Variants in DSE observed in about 807,000 individuals in gnomAD.
The protein encoded by DSE is dermatan sulfate epimerase.
DSE carries 36 observed loss-of-function variants against 84.4 expected under a neutral mutation model. The observed-to-expected ratio is 0.43, with a 90% CI of 0.33 to 0.56. DSE has a LOEUF of 0.56. DSE is among the 20% of genes least tolerant of loss of function. The pLI is 0.06. For missense variants in DSE, 862 were observed against 1,169.6 expected, an observed-to-expected ratio of 0.74 and a Z score of 3.84; for synonymous variants, 410 against 430.1, an observed-to-expected ratio of 0.95 and a Z score of 0.58.
At chr6:116,342,703 G>A (rs1004087694) in intron 2 of DSE, among the ~76,000 whole-genome samples, 4 of 152,314 alleles carry the variant, frequency 2.6e-5, no homozygotes, top group African/African-American at 7.2e-5. Context: ...TTCCAAGATG[G>A]CCAAATAGGA....
intron 2 of DSE, among the ~76,000 whole-genome samples, chr6:116,299,769 G>GGGCA (rs1774926013): frequency 6.6e-6 from 1 of 151,694 alleles, no homozygotes. Flanking sequence ...TAACTTTTTA[G>GGGCA]GGCACATCTT....
At chr6:116,378,319 T>G (rs1780042990) in intron 1 of DSE, among the ~76,000 whole-genome samples, 1 of 152,210 alleles carries the variant, frequency 6.6e-6, no homozygotes, top group Non-Finnish European at 1.5e-5. Context: ...TAAATTTATC[T>G]TCTGGGGCTC....
intron 5 of DSE, 84 bp downstream of exon 5, chr6:116,433,634 A>C: frequency 1.4e-6 from 2 of 1,391,710 alleles, no homozygotes; most frequent in South Asian, 2.7e-5. Context: ...TGCATTTAAA[A>C]AGAAAAACTA....
Position 116,440,820 on chromosome 6 carries a change from A to G in DSE, c.*3475A>G, listed in dbSNP as rs1454968157. 6.6e-6 allele frequency: 1 copy of G among 152,104 alleles called. No homozygotes were observed. Among genetic ancestry groups the G allele is most frequent in the Non-Finnish European group, 1.5e-5 (1 of 68,018 alleles). 9.4% of individuals were successfully genotyped at this position (152,104 alleles called of 1,614,324 possible). ...AGGGAAGTCTGAAGGTCTAACTCAA[A>G]GTTTGATGCTTTTTAAGCAAGTTTA... On this transcript the variant is annotated 3_prime_UTR_variant, in exon 6 of 6. Coordinates refer to ENST00000644252, the MANE Select transcript of DSE (RefSeq NM_013352.4).
chr6:116,300,447 T>C (rs1774966706), intron 2 of DSE, among the ~76,000 whole-genome samples: 1 of 152,208 alleles, frequency 6.6e-6, no homozygotes, highest in African/African-American at 2.4e-5. Flanking sequence ...TTTATCCTGC[T>C]TGTTGATAAA....
At chr6:116,418,498 C>T (rs1300547478) in intron 2 of DSE, among the ~76,000 whole-genome samples, 1 of 152,042 alleles carries the variant, frequency 6.6e-6, no homozygotes, top group Non-Finnish European at 1.5e-5. Flanking sequence ...AGGAAATCTA[C>T]ATGATTGGTG....
At chr6:116,342,293 T>TC (rs1365663402) in intron 2 of DSE, among the ~76,000 whole-genome samples, 1 of 151,368 alleles carries the variant, frequency 6.6e-6, no homozygotes, top group African/African-American at 2.4e-5. Context: ...TTTTTTTTTT[T>TC]TTTCGAGATG....
At chr6:116,427,133 C>T (rs924614090) in intron 3 of DSE, among the ~76,000 whole-genome samples, 2 of 150,088 alleles carry the variant, frequency 1.3e-5, no homozygotes, top group Non-Finnish European at 3.0e-5. Context: ...ACAGTGAAGA[C>T]AGCCATCCTG....
At chr6:116,431,840 T>C (rs936147901) in intron 4 of DSE, among the ~76,000 whole-genome samples, 18 of 152,168 alleles carry the variant, frequency 1.2e-4, no homozygotes, top group African/African-American at 4.3e-4. Flanking sequence ...CTTTGTAACC[T>C]TTTTTTATTT....
chr6:116,283,666 C>CT (rs1773681237), intron 2 of DSE, among the ~76,000 whole-genome samples: 1 of 152,114 alleles, frequency 6.6e-6, no homozygotes, highest in Non-Finnish European at 1.5e-5. Flanking sequence ...GCCTCAGCCT[C>CT]CCGTGTAGCT....
intron 2 of DSE, chr6:116,401,090 G>A (rs775869056): frequency 1.3e-5 from 2 of 152,004 alleles, no homozygotes; most frequent in Non-Finnish European, 2.9e-5. Context: ...AGAAAGTAAT[G>A]GACTGTGAAA....
chr6:116,376,535 T>G (rs1474569134), intron 1 of DSE, among the ~76,000 whole-genome samples: 2 of 152,236 alleles, frequency 1.3e-5, no homozygotes, highest in Non-Finnish European at 2.9e-5. Context: ...AATGGAGTAG[T>G]TTGTTCAGTC....
chr6:116,266,163 A>T (rs1210351593), intron 2 of DSE, among the ~76,000 whole-genome samples: 1 of 152,140 alleles, frequency 6.6e-6, no homozygotes, highest in Non-Finnish European at 1.5e-5. Context: ...CTCTGAAATG[A>T]CTATCCATGA....
chr6:116,433,161 C>G, intron 4 of DSE, 182 bp from the exon 5 acceptor site: 3 of 633,370 alleles, frequency 4.7e-6, no homozygotes, highest in Non-Finnish European at 8.1e-6. Flanking sequence ...TGTGGAAGAC[C>G]TTTTGAGGGA....
chr6:116,340,840 A>T (rs1187914255), intron 2 of DSE, among the ~76,000 whole-genome samples: 1 of 152,166 alleles, frequency 6.6e-6, no homozygotes, highest in East Asian at 1.9e-4. Flanking sequence ...ATGGCTGCAT[A>T]GTATTCCGTG....
At chr6:116,373,881 C>T (rs1779762226) in intron 1 of DSE, among the ~76,000 whole-genome samples, 1 of 152,100 alleles carries the variant, frequency 6.6e-6, no homozygotes, top group Non-Finnish European at 1.5e-5. Context: ...TTGGATCACA[C>T]TGTGTTGCAT....
intron 2 of DSE, among the ~76,000 whole-genome samples, chr6:116,284,805 T>A (rs1773779578): frequency 6.6e-6 from 1 of 152,042 alleles, no homozygotes. Flanking sequence ...TTGCTCAGAA[T>A]GATGATTTCC....
In DSE at chr6:116,278,568, C is replaced by T. The variant is rs1488034157; in HGVS notation, c.-54+19601C>T. ...TGGGGATCTCTACAGGCTCCCTTAG[C>T]GGGCGACGTCGGGCTCTACGGACTC... On this transcript the variant is annotated intron_variant, in intron 2 of 3. Transcript: ENST00000430252. 5.0e-6 allele frequency: 8 copies of T among 1,614,164 alleles called. No individual in the cohort carries two copies. In the Admixed American group the frequency reaches 1.2e-4, roughly 24 times the overall value.
At position 116,306,161 on chromosome 6, in the gene DSE, T is replaced by C. The variant is rs192137254; in HGVS notation, c.-54+47194T>C. ...AATAAATATGGCAAGAGAGTAATGA[T>C]TGGTAAATCTGGATAAAAACTACAA... On this transcript the variant is annotated intron_variant, in intron 2 of 3. Coordinates refer to the DSE transcript ENST00000430252. Among the ~76,000 whole-genome samples, 16 of 152,290 alleles carry C rather than the reference T, an allele frequency of 1.1e-4. No homozygotes were observed. In the East Asian group the frequency reaches 2.7e-3, roughly 26 times the overall value.
Sources: gnomAD v4.1 joint callset for allele counts (sites outside exome capture counted in the v4.1 genomes callset) on GRCh38, gnomAD v4.1.1 for gene constraint, MANE v1.5 for transcripts, NCBI Gene and HGNC (gene_info 2026-07-23, HGNC 2026-07-21) for gene names.